Variants in SYN3 observed in about 807,000 individuals in gnomAD.
The protein encoded by SYN3 is synapsin-3.
In SYN3, 35 loss-of-function variants were observed where a neutral mutation model predicts 65.8. The ratio of observed to expected loss-of-function variants is 0.53; its 90% CI spans 0.41 to 0.70. The LOEUF (loss-of-function observed/expected upper bound fraction) is 0.70. SYN3 is among the 30% of genes least tolerant of loss of function. SYN3 has a pLI of 0.00. For missense variants in SYN3, 680 were observed against 749.0 expected (o/e 0.91, Z 1.08); for synonymous variants, 270 against 292.9 (o/e 0.92, Z 0.80).
chr22:32,626,197 C>A (rs2146783130), intron 6 of SYN3, among the ~76,000 whole-genome samples: 1 of 152,250 alleles, frequency 6.6e-6, no homozygotes, highest in East Asian at 1.9e-4. Context: ...TTGTGCAACA[C>A]AGCTTGGCCA....
intron 6 of SYN3, among the ~76,000 whole-genome samples, chr22:32,601,430 A>G (rs1012137276): frequency 2.0e-5 from 3 of 152,184 alleles, no homozygotes; most frequent in Non-Finnish European, 4.4e-5. Flanking sequence ...GGCGCCCGCC[A>G]CCACGCCCGG....
At chr22:32,703,204 G>T (rs1395708998) in intron 6 of SYN3, among the ~76,000 whole-genome samples, 1 of 152,080 alleles carries the variant, frequency 6.6e-6, no homozygotes, top group African/African-American at 2.4e-5. Context: ...TCCTTAAGAG[G>T]TAGACTTTGC....
intron 6 of SYN3, among the ~76,000 whole-genome samples, chr22:32,741,501 G>A (rs991951704): frequency 4.6e-5 from 7 of 151,668 alleles, no homozygotes; most frequent in Non-Finnish European, 7.4e-5. Flanking sequence ...GACTACAGGC[G>A]CCTGCCACCA....
intron 6 of SYN3, among the ~76,000 whole-genome samples, chr22:32,615,913 G>A (rs1467162401): frequency 6.6e-6 from 1 of 152,214 alleles, no homozygotes; most frequent in Non-Finnish European, 1.5e-5. Flanking sequence ...ATGCAATGGG[G>A]GCGGAGTCTC....
intron 6 of SYN3, among the ~76,000 whole-genome samples, chr22:32,633,634 A>T (rs1167543562): frequency 6.6e-6 from 1 of 152,034 alleles, no homozygotes; most frequent in African/African-American, 2.4e-5. Flanking sequence ...ATCTTTTTTT[A>T]AATTTTGAGA....
At chr22:32,567,641 A>C (rs2058692369) in intron 7 of SYN3, among the ~76,000 whole-genome samples, 2 of 151,952 alleles carry the variant, frequency 1.3e-5, no homozygotes, top group Non-Finnish European at 1.5e-5. Context: ...GGTCGGGGAG[A>C]GGGTGGCTAC....
chr22:32,888,537 A>G (rs2049356002), intron 4 of SYN3, among the ~76,000 whole-genome samples: 1 of 152,160 alleles, frequency 6.6e-6, no homozygotes, highest in African/African-American at 2.4e-5. Flanking sequence ...TTGACATCTC[A>G]TTATAATTTG....
chr22:32,520,110 A>G (rs1328760808), intron 12 of SYN3, among the ~76,000 whole-genome samples: 1 of 152,050 alleles, frequency 6.6e-6, no homozygotes. Context: ...TAATTTTAAT[A>G]GTGTGTGTGT....
At chr22:32,772,743 C>T (rs984120447) in intron 6 of SYN3, among the ~76,000 whole-genome samples, 1 of 152,108 alleles carries the variant, frequency 6.6e-6, no homozygotes, top group African/African-American at 2.4e-5. Context: ...AATGATGTGG[C>T]TGCAAGTCCG....
At chr22:33,044,283 A>ACTGTAGCAGTAG (rs954439716) in intron 1 of SYN3, among the ~76,000 whole-genome samples, 1 of 152,178 alleles carries the variant, frequency 6.6e-6, no homozygotes, top group African/African-American at 2.4e-5. Flanking sequence ...CAGCTGGTTC[A>ACTGTAGCAGTAG]CTGTAGCAGT....
At chr22:32,849,601 G>A in intron 6 of SYN3, 2 of 1,432,396 alleles carry the variant, frequency 1.4e-6, no homozygotes, top group Admixed American at 3.7e-5. Context: ...TCCTGGCTAA[G>A]GGAGGCAAAG....
chr22:33,029,506 T>A (rs2053712129), intron 1 of SYN3, among the ~76,000 whole-genome samples: 1 of 152,052 alleles, frequency 6.6e-6, no homozygotes, highest in Non-Finnish European at 1.5e-5. Context: ...ATAACTTACT[T>A]ATGGTCACTC....
intron 3 of SYN3, among the ~76,000 whole-genome samples, chr22:32,961,424 T>C (rs975419343): frequency 6.6e-6 from 1 of 152,162 alleles, no homozygotes; most frequent in African/African-American, 2.4e-5. Context: ...CTAAGGAGCA[T>C]GGTTGGAAAA....
chr22:32,648,052 G>A (rs1158548991), intron 6 of SYN3, among the ~76,000 whole-genome samples: 2 of 152,036 alleles, frequency 1.3e-5, no homozygotes, highest in East Asian at 3.9e-4. Flanking sequence ...GGGATTGGGG[G>A]GGTGTCTCAC....
At chr22:32,998,425 GA>G (rs1162382167) in intron 2 of SYN3, among the ~76,000 whole-genome samples, 1 of 152,092 alleles carries the variant, frequency 6.6e-6, no homozygotes, top group African/African-American at 2.4e-5. Flanking sequence ...AAAGAAAAAA[GA>G]AACCATTGGG....
At chr22:32,742,964 G>A (rs1422510013) in intron 6 of SYN3, among the ~76,000 whole-genome samples, 4 of 152,128 alleles carry the variant, frequency 2.6e-5, no homozygotes, top group African/African-American at 7.2e-5. Flanking sequence ...GATGCCCTCC[G>A]TTTATAGGGA....
chr22:32,873,543 C>T (rs1036252303), intron 4 of SYN3, among the ~76,000 whole-genome samples: 1 of 152,118 alleles, frequency 6.6e-6, no homozygotes, highest in Non-Finnish European at 1.5e-5. Context: ...CCCAGAACTC[C>T]TCCTTTTTCT....
At chr22:32,657,660 C>T (rs923616086) in intron 6 of SYN3, among the ~76,000 whole-genome samples, 1 of 152,224 alleles carries the variant, frequency 6.6e-6, no homozygotes, top group East Asian at 1.9e-4. Flanking sequence ...GGGCTGCAGA[C>T]TGTGCTCTCC....
chr22:32,614,906 G>A (rs1421696636), intron 6 of SYN3, among the ~76,000 whole-genome samples: 1 of 151,730 alleles, frequency 6.6e-6, no homozygotes, highest in Non-Finnish European at 1.5e-5. Flanking sequence ...ATACTGTGCT[G>A]GCCCCATGGA....
Sources: gnomAD v4.1 joint callset for allele counts (sites outside exome capture counted in the v4.1 genomes callset) on GRCh38, gnomAD v4.1.1 for gene constraint, MANE v1.5 for transcripts, NCBI Gene and HGNC (gene_info 2026-07-23, HGNC 2026-07-21) for gene names.